LYPLAL1: variants seen among roughly 807,000 people sequenced by gnomAD.
LYPLAL1 encodes the protein lysophospholipase-like protein 1.
A neutral mutation model predicts 19.7 loss-of-function variants in LYPLAL1; 23 were observed. The observed-to-expected ratio is 1.17, with a 90% confidence interval of 0.84 to 1.65. The LOEUF (loss-of-function observed/expected upper bound fraction) is 1.65, where lower values mean the gene tolerates loss of function less well. Among genes scored for constraint, LYPLAL1 ranks in the 40% most tolerant of loss-of-function variants. LYPLAL1 has a pLI of 0.00. For missense variants in LYPLAL1, 355 were observed against 279.4 expected (o/e 1.27, Z -1.93); for synonymous variants, 119 against 96.3 (o/e 1.24, Z -1.38).
At chr1:219,444,926 A>G in the LYPLAL1 span, among the ~76,000 whole-genome samples, 1 of 152,154 alleles carries the variant, frequency 6.6e-6, no homozygotes, top group South Asian at 2.1e-4. Context: ...AAATTTACTC[A>G]CACAGAACAC....
the LYPLAL1 span, among the ~76,000 whole-genome samples, chr1:219,385,842 G>C: frequency 3.9e-5 from 6 of 152,272 alleles, no homozygotes. Context: ...CTTCCAAGCA[G>C]AGAGAAATAT....
the LYPLAL1 span, among the ~76,000 whole-genome samples, chr1:219,419,594 C>CACAGAG: frequency 3.0e-3 from 300 of 99,580 alleles, no homozygotes; most frequent in African/African-American, 6.0e-3. Flanking sequence ...CACACACACA[C>CACAGAG]AGAGAGAGAG....
the LYPLAL1 span, among the ~76,000 whole-genome samples, chr1:219,380,930 G>C: frequency 8.6e-5 from 13 of 152,038 alleles, no homozygotes; most frequent in African/African-American, 2.7e-4. Context: ...TTTGACCCAG[G>C]GGCCATAGTT....
chr1:219,229,731 T>A, the LYPLAL1 span, among the ~76,000 whole-genome samples: 1 of 152,200 alleles, frequency 6.6e-6, no homozygotes, highest in African/African-American at 2.4e-5. Context: ...CCCGTCTGAA[T>A]GCTCTCCTAG....
At chr1:219,309,366 T>G in the LYPLAL1 span, among the ~76,000 whole-genome samples, 1 of 152,112 alleles carries the variant, frequency 6.6e-6, no homozygotes, top group Non-Finnish European at 1.5e-5. Context: ...GACTTTTGGG[T>G]CAATGCTGAA....
chr1:219,421,562 A>T, the LYPLAL1 span, among the ~76,000 whole-genome samples: 48 of 152,344 alleles, frequency 3.2e-4, no homozygotes, highest in Admixed American at 1.7e-3. Context: ...TATTAATTAC[A>T]TAATATTCTG....
At chr1:219,380,356 A>G in the LYPLAL1 span, among the ~76,000 whole-genome samples, 2 of 152,240 alleles carry the variant, frequency 1.3e-5, no homozygotes, top group African/African-American at 4.8e-5. Context: ...GCCCCAGACC[A>G]CGGCACAGTT....
chr1:219,345,842 A>T, the LYPLAL1 span, among the ~76,000 whole-genome samples: 1 of 152,226 alleles, frequency 6.6e-6, no homozygotes, highest in African/African-American at 2.4e-5. Flanking sequence ...AATTTTGACT[A>T]CTTCATTCCA....
At chr1:219,408,028 T>C in the LYPLAL1 span, among the ~76,000 whole-genome samples, 2 of 152,188 alleles carry the variant, frequency 1.3e-5, no homozygotes, top group Non-Finnish European at 2.9e-5. Context: ...CATTGGGGCT[T>C]GGAATTTCAA....
At chr1:219,416,029 T>C in the LYPLAL1 span, among the ~76,000 whole-genome samples, 1 of 152,192 alleles carries the variant, frequency 6.6e-6, no homozygotes, top group Non-Finnish European at 1.5e-5. Context: ...TTTGAGGTAG[T>C]TTTAGATTTA....
the LYPLAL1 span, among the ~76,000 whole-genome samples, chr1:219,375,802 C>T: frequency 2.1e-5 from 3 of 145,184 alleles, no homozygotes; most frequent in Non-Finnish European, 3.0e-5. Flanking sequence ...AGTACAGTGG[C>T]GCGATCTCAG....
chr1:219,365,411 C>G, the LYPLAL1 span, among the ~76,000 whole-genome samples: 2 of 152,154 alleles, frequency 1.3e-5, no homozygotes, highest in Admixed American at 1.3e-4. Flanking sequence ...TGGCAATACA[C>G]TTTCTGTTTT....
chr1:219,309,671 G>A, the LYPLAL1 span, among the ~76,000 whole-genome samples: 9 of 152,014 alleles, frequency 5.9e-5, no homozygotes, highest in Non-Finnish European at 8.8e-5. Context: ...ATTTTCTGTC[G>A]CCTTCACCAT....
chr1:219,391,259 T>C, the LYPLAL1 span, among the ~76,000 whole-genome samples: 2 of 152,206 alleles, frequency 1.3e-5, no homozygotes, highest in Non-Finnish European at 2.9e-5. Context: ...CGTTTTCCTG[T>C]TTGTCTCATT....
chr1:219,390,603 G>A, the LYPLAL1 span, among the ~76,000 whole-genome samples: 13 of 152,168 alleles, frequency 8.5e-5, no homozygotes, highest in South Asian at 6.2e-4. Flanking sequence ...CTTTGATCCC[G>A]TTCAGCATCA....
chr1:219,384,679 GT>G, the LYPLAL1 span, among the ~76,000 whole-genome samples: 4 of 152,298 alleles, frequency 2.6e-5, no homozygotes, highest in South Asian at 8.3e-4. Flanking sequence ...AATACCACAT[GT>G]TGTAAGGAGT....
chr1:219,292,395 C>G, the LYPLAL1 span, among the ~76,000 whole-genome samples: 1 of 152,174 alleles, frequency 6.6e-6, no homozygotes, highest in Non-Finnish European at 1.5e-5. Flanking sequence ...ATAGGAATTG[C>G]TGAGTCCTGC....
chr1:219,185,263 A>T (rs986174665), intron 2 of LYPLAL1, among the ~76,000 whole-genome samples: 1 of 151,676 alleles, frequency 6.6e-6, no homozygotes, highest in Non-Finnish European at 1.5e-5. Flanking sequence ...TGCTGGTAAT[A>T]ATTTGTATAT....
chr1:219,308,148 G>C, the LYPLAL1 span, among the ~76,000 whole-genome samples: 1 of 152,180 alleles, frequency 6.6e-6, no homozygotes, highest in African/African-American at 2.4e-5. Context: ...GAGACTGGTG[G>C]CATTTGGCCC....
Sources: gnomAD v4.1 joint callset for allele counts (sites outside exome capture counted in the v4.1 genomes callset) on GRCh38, gnomAD v4.1.1 for gene constraint, MANE v1.5 for transcripts, NCBI Gene and HGNC (gene_info 2026-07-23, HGNC 2026-07-21) for gene names.